WNK2: variants seen among roughly 807,000 people sequenced by gnomAD.
The protein encoded by WNK2 is serine/threonine-protein kinase WNK2.
Under a neutral mutation model 192.1 loss-of-function variants are expected in WNK2, and 67 were observed. The ratio of observed to expected loss-of-function variants is 0.35; its 90% CI spans 0.29 to 0.43. WNK2 has a LOEUF of 0.43. Ranked by LOEUF, WNK2 falls within the 20% of genes least tolerant of loss-of-function variation. The pLI is 1.00. For synonymous variants in WNK2, 1,439 were observed against 1,393.9 expected, an observed-to-expected ratio of 1.03 and a Z score of -0.72; for missense variants, 2,698 against 3,089.7, an observed-to-expected ratio of 0.87 and a Z score of 3.01.
intron 2 of WNK2, among the ~76,000 whole-genome samples, chr9:93,196,955 A>G (rs1383630406): frequency 2.0e-5 from 3 of 152,068 alleles, no homozygotes; most frequent in Non-Finnish European, 2.9e-5. Context: ...CTCCCTGTCC[A>G]CAGCTCCCAC....
chr9:93,316,005 T>G (rs1381495154), intron 28 of WNK2: 1 of 152,230 alleles, frequency 6.6e-6, no homozygotes, highest in African/African-American at 2.4e-5. Context: ...GAGGTAAATC[T>G]GTTTTTTTCC....
rs1359612561 is a variant in WNK2, at chr9:93,289,153, G to T, written c.4399G>T (p.Asp1467Tyr). 1.8e-5 allele frequency: 29 copies of T among 1,600,054 alleles called. No homozygotes were observed. The highest frequency in any genetic ancestry group is 2.3e-5 in the Non-Finnish European group (27 of 1,173,612). The change falls in exon 20 of 30, where the codon GAC becomes TAC. Residue 1467 changes from aspartate to tyrosine, a missense_variant. Physicochemically the swap from Asp to Tyr is radical, Grantham distance 160 (BLOSUM62 -3). Around this residue, in one of 7 missense-constraint regions of WNK2, gnomAD observed 1,098 missense variants for 1,101.0 expected, o/e 1.00. Coordinates refer to ENST00000427277, the MANE Select transcript of WNK2 (RefSeq NM_006648.4). ...AGCTCCAGAGGCTGCCTCAACCAGG[G>T]ACGCCAGTGCCCCAAGGGAGCCCCT... ...TPAPEAASTR[D>Y]ASAPREPLPP...
chr9:93,249,384 T>A (rs530533079), intron 8 of WNK2, among the ~76,000 whole-genome samples: 1 of 152,312 alleles, frequency 6.6e-6, no homozygotes, highest in South Asian at 2.1e-4. Context: ...CAGGTGTGGG[T>A]GTTCTCTCTG....
chr9:93,207,054 G>C (rs974965783), intron 2 of WNK2, among the ~76,000 whole-genome samples: 2 of 152,228 alleles, frequency 1.3e-5, no homozygotes, highest in Non-Finnish European at 2.9e-5. Context: ...AGGCTTCCTT[G>C]GAGAGCAGAG....
In WNK2 at chr9:93,263,928, T is replaced by C; in HGVS notation, c.3591T>C (p.Thr1197=). The change falls in exon 16 of 30, where the codon ACT becomes ACC. Residue 1197 remains threonine, a synonymous_variant. Coordinates refer to ENST00000427277, the MANE Select transcript of WNK2 (RefSeq NM_006648.4). Reference sequence around the variant, plus strand: ...GCTGCCCCTTCCAGGTGTGCAACACTGGGGACAAGATGGTGGAGTGCCAGC... The same window carrying C: ...GCTGCCCCTTCCAGGTGTGCAACACCGGGGACAAGATGGTGGAGTGCCAGC... The part of the protein sequence containing the change: ...PRLTILNVCN[T]GDKMVECQLE... 1 of 1,612,586 alleles carries C rather than the reference T, an allele frequency of 6.2e-7. No homozygotes were observed. Among genetic ancestry groups the C allele is most frequent in the Admixed American group, 1.7e-5 (1 of 59,952 alleles).
In WNK2 at chr9:93,268,761, C is replaced by T. The variant is rs190158748; in HGVS notation, c.4033+15C>T. 1.0e-3 allele frequency: 1,631 copies of T among 1,606,898 alleles called. 11 individuals carry two copies. In the African/African-American group the frequency reaches 0.019, roughly 19 times the overall value. On this transcript the variant is annotated intron_variant, in intron 19 of 29. Transcript: ENST00000427277. Reference sequence around the variant, plus strand: ...AGCCAGCCAAGGTATGAGCAGCAGGCGCCCACACAAGCCCCTCCCTGTTTC... The same window carrying T: ...AGCCAGCCAAGGTATGAGCAGCAGGTGCCCACACAAGCCCCTCCCTGTTTC...
chr9:93,257,514 C>A lies in WNK2; in HGVS notation c.2382+375C>A, dbSNP rs1002960409. On this transcript the variant is annotated intron_variant, in intron 11 of 29. Transcript: ENST00000427277. This position sits in a 1 kb window ranked among gnomAD's most constrained non-coding sequence, Gnocchi z 4.7. ...CAGTACCCCATCACCTGGCACCCTC[C>A]CAGCAAGGTGCCCATCTGCCCTCAG... 6.6e-6 allele frequency among the ~76,000 whole-genome samples: 1 copy of A among 152,184 alleles called. No homozygotes were observed. The highest frequency in any genetic ancestry group is 1.5e-5 in the Non-Finnish European group (1 of 68,020).
chr9:93,229,651 C>T lies in WNK2; in HGVS notation c.682-45C>T. On this transcript the variant is annotated intron_variant, in intron 2 of 29. Coordinates refer to ENST00000427277, the MANE Select transcript of WNK2 (RefSeq NM_006648.4). The surrounding 1 kb of genome is among the most constrained non-coding windows in gnomAD (Gnocchi z 4.9). The stretch of plus-strand genomic sequence containing the variant: ...GGATGTGACGCCACCGTGTCCCCTT[C>T]TGTGTCCCATCTCTTGCCCACTTAG... 1 of 1,589,344 alleles carries T rather than the reference C, an allele frequency of 6.3e-7. No homozygotes were observed. Among genetic ancestry groups the T allele is most frequent in the Non-Finnish European group, 8.6e-7 (1 of 1,165,152 alleles).
At chr9:93,223,281 G>A (rs149480299) in intron 2 of WNK2, among the ~76,000 whole-genome samples, 1,745 of 152,220 alleles carry the variant, frequency 0.011, 31 homozygotes, top group South Asian at 0.082. Flanking sequence ...GTGGCGCCCC[G>A]TTGCCTGGCC....
intron 28 of WNK2, among the ~76,000 whole-genome samples, chr9:93,311,640 T>TGTGTGTGTG (rs1554755231): frequency 1.3e-5 from 2 of 151,636 alleles, no homozygotes; most frequent in African/African-American, 2.4e-5. Flanking sequence ...TGTGTGTGTG[T>TGTGTGTGTG]TTTGAGACGG....
chr9:93,195,219 C>A (rs1831029229), intron 2 of WNK2, among the ~76,000 whole-genome samples: 5 of 152,080 alleles, frequency 3.3e-5, no homozygotes. Flanking sequence ...AGTTAATCAT[C>A]AATATTGGTT....
chr9:93,292,419 C>G (rs771000546), intron 22 of WNK2, 23 bp downstream of exon 22: 43 of 1,613,778 alleles, frequency 2.7e-5, no homozygotes, highest in Non-Finnish European at 3.4e-5. Context: ...TGACGACCCC[C>G]TGGCTGGTTG....
At position 93,268,808 on chromosome 9, in the gene WNK2, C is replaced by G. The variant is rs539051834; in HGVS notation, c.4033+62C>G. The stretch of plus-strand genomic sequence containing the variant: ...TTTCATGTACAGGCCTCCTTCTGTG[C>G]ATGACCCAGCCGGTATGTGCCCCGT... On this transcript the variant is annotated intron_variant, in intron 19 of 29. Transcript: ENST00000427277. 26 of 1,582,646 alleles carry G rather than the reference C, an allele frequency of 1.6e-5. No individual in the cohort carries two copies. In the African/African-American group the frequency reaches 3.3e-4, roughly 20 times the overall value.
At chr9:93,285,802 TCACAGAGACA>T in intron 19 of WNK2, among the ~76,000 whole-genome samples, 1 of 152,164 alleles carries the variant, frequency 6.6e-6, no homozygotes, top group South Asian at 2.1e-4. Flanking sequence ...AAACCTGGAG[TCACAGAGACA>T]ATCTGGTCCT....
At chr9:93,230,161 CTG>C (rs909285228) in intron 3 of WNK2, among the ~76,000 whole-genome samples, 4 of 151,972 alleles carry the variant, frequency 2.6e-5, no homozygotes, top group African/African-American at 9.7e-5. Context: ...ACAGTGGGGA[CTG>C]TGGGATTCTG....
At chr9:93,277,933 C>T (rs570526133) in intron 19 of WNK2, among the ~76,000 whole-genome samples, 1 of 152,140 alleles carries the variant, frequency 6.6e-6, no homozygotes, top group East Asian at 1.9e-4. Flanking sequence ...CAGCAGAAAC[C>T]ACCAACAATA....
At chr9:93,228,850 G>A (rs965777923) in intron 2 of WNK2, among the ~76,000 whole-genome samples, 2 of 152,158 alleles carry the variant, frequency 1.3e-5, no homozygotes, top group African/African-American at 4.8e-5. Context: ...GTGGGAGAGA[G>A]CGTGGCGAGG....
intron 2 of WNK2, among the ~76,000 whole-genome samples, chr9:93,227,364 C>T (rs1463436450): frequency 2.0e-5 from 3 of 152,124 alleles, no homozygotes; most frequent in East Asian, 1.9e-4. Context: ...CCGCCCGCCT[C>T]GGCCTCCCAA....
At chr9:93,299,822 G>T (rs1420096570) in intron 25 of WNK2, among the ~76,000 whole-genome samples, 1 of 76,420 alleles carries the variant, frequency 1.3e-5, no homozygotes, top group African/African-American at 5.1e-5. Flanking sequence ...AAGCCGCCCC[G>T]CCCCGCCCAC....
Sources: gnomAD v4.1 joint callset for allele counts (sites outside exome capture counted in the v4.1 genomes callset) on GRCh38, gnomAD v4.1.1 for gene constraint, gnomAD v4.1.1 regional missense constraint, Gnocchi (gnomAD v3.1) non-coding constraint, MANE v1.5 for transcripts, NCBI Gene and HGNC (gene_info 2026-07-23, HGNC 2026-07-21) for gene names.